CRY1: variants seen among roughly 807,000 people sequenced by gnomAD.
The protein encoded by CRY1 is cryptochrome-1.
A neutral mutation model predicts 76.0 loss-of-function variants in CRY1; 45 were observed. That is an observed-to-expected ratio of 0.59 (90% CI 0.47 to 0.76). The LOEUF (loss-of-function observed/expected upper bound fraction) is 0.76. Among genes scored for constraint, CRY1 ranks in the 30% least tolerant of loss-of-function variants. The pLI is 0.00. For synonymous variants in CRY1, 248 were observed against 244.0 expected, an observed-to-expected ratio of 1.02 and a Z score of -0.15; for missense variants, 587 against 716.4, an observed-to-expected ratio of 0.82 and a Z score of 2.06.
At chr12:107,000,795 A>G (rs1593493916) in intron 5 of CRY1, among the ~76,000 whole-genome samples, 1 of 151,894 alleles carries the variant, frequency 6.6e-6, no homozygotes, top group East Asian at 1.9e-4. Flanking sequence ...AATTAAAGGC[A>G]CACACCACCA....
chr12:107,056,183 A>G (rs2136879777), intron 1 of CRY1, among the ~76,000 whole-genome samples: 1 of 152,348 alleles, frequency 6.6e-6, no homozygotes, highest in South Asian at 2.1e-4. Context: ...AGTCTAAGAT[A>G]CTCCAAAACA....
At chr12:107,022,932 CAT>C (rs1157315311) in intron 1 of CRY1, among the ~76,000 whole-genome samples, 1 of 151,548 alleles carries the variant, frequency 6.6e-6, no homozygotes, top group African/African-American at 2.4e-5. Flanking sequence ...AAGGCTTACA[CAT>C]GACAGATATC....
At chr12:107,021,682 ATG>A (rs928523256) in intron 2 of CRY1, among the ~76,000 whole-genome samples, 16 of 151,846 alleles carry the variant, frequency 1.1e-4, no homozygotes, top group African/African-American at 3.4e-4. Flanking sequence ...AAACACATGG[ATG>A]TGTGTGTGTG....
intron 2 of CRY1, among the ~76,000 whole-genome samples, chr12:107,020,805 G>A (rs1171827959): frequency 6.6e-6 from 1 of 152,130 alleles, no homozygotes; most frequent in East Asian, 1.9e-4. Flanking sequence ...AGGAAGGGAT[G>A]AATACAAAAA....
chr12:107,016,712 C>G, intron 2 of CRY1, among the ~76,000 whole-genome samples: 1 of 152,146 alleles, frequency 6.6e-6, no homozygotes, highest in East Asian at 1.9e-4. Context: ...AATGCCTTCT[C>G]AACATGTACA....
intron 1 of CRY1, among the ~76,000 whole-genome samples, chr12:107,040,851 A>G (rs1489777628): frequency 6.6e-6 from 1 of 152,086 alleles, no homozygotes; most frequent in East Asian, 1.9e-4. Context: ...AATATATTGC[A>G]TATACACTTG....
chr12:107,050,068 C>T (rs1952900985), intron 1 of CRY1: 1 of 151,602 alleles, frequency 6.6e-6, no homozygotes, highest in South Asian at 2.1e-4. Flanking sequence ...GGAGTGGTTA[C>T]AAAAGACAAA....
intron 1 of CRY1, among the ~76,000 whole-genome samples, chr12:107,059,479 A>G (rs1953024244): frequency 6.6e-6 from 1 of 151,956 alleles, no homozygotes; most frequent in South Asian, 2.1e-4. Flanking sequence ...TCTTGAACTC[A>G]TGGCCTCAAG....
At chr12:107,087,305 A>G (rs569739123) in intron 1 of CRY1, among the ~76,000 whole-genome samples, 1 of 152,140 alleles carries the variant, frequency 6.6e-6, no homozygotes, top group Non-Finnish European at 1.5e-5. Context: ...AATCCTTTGG[A>G]TGAAAACAGC....
chr12:107,024,484 C>A (rs1952587097), intron 1 of CRY1, among the ~76,000 whole-genome samples: 1 of 151,566 alleles, frequency 6.6e-6, no homozygotes, highest in Non-Finnish European at 1.5e-5. Context: ...GCCTTGACTT[C>A]TCCCACCTAA....
chr12:106,997,958 C>T lies in CRY1; in HGVS notation c.1246G>A (p.Val416Ile). 1 of 1,614,054 alleles carries T rather than the reference C, an allele frequency of 6.2e-7. No homozygotes were observed. The highest frequency in any genetic ancestry group is 8.5e-7 in the Non-Finnish European group (1 of 1,179,984). Residue 416 changes from valine (V) to isoleucine (I), a missense_variant, in exon 8 of 13, where the codon GTT becomes ATT. By Grantham distance (29) the Val-to-Ile change is conservative. Coordinates refer to ENST00000008527, the MANE Select transcript of CRY1 (RefSeq NM_004075.5). Reference protein sequence around the residue: ...FQQFFHCYCPVGFGRRTDPNG... With the variant: ...FQQFFHCYCPIGFGRRTDPNG... ...GGATCTGTTCTCCTACCAAAACCAA[C>T]AGGGCAATAGCAGTGAAAAAACTGT... is the stretch of plus-strand genomic sequence containing the variant.
intron 1 of CRY1, among the ~76,000 whole-genome samples, chr12:107,036,083 C>T (rs922157833): frequency 3.3e-5 from 5 of 152,186 alleles, no homozygotes; most frequent in African/African-American, 7.2e-5. Context: ...ATAATTTCAA[C>T]ACAAGGCCTC....
At position 107,005,239 on chromosome 12, in the gene CRY1, T is replaced by C; in HGVS notation, c.277A>G (p.Ile93Val). Residue 93 changes from isoleucine (I) to valine (V), a missense_variant, in exon 3 of 13, where the codon ATT becomes GTT. Coordinates refer to ENST00000008527, the MANE Select transcript of CRY1 (RefSeq NM_004075.5). ...VFPRLFKEWN[I>V]TKLSIEYDSE... ...TCATACTCAATTGAAAGTTTAGTAA[T>C]GTTCCATTCCTAAAGTAAGAGAAAG... 3 of 1,611,016 alleles carry C rather than the reference T, an allele frequency of 1.9e-6. No individual in the cohort carries two copies. Among genetic ancestry groups the C allele is most frequent in the Non-Finnish European group, 2.5e-6 (3 of 1,178,744 alleles).
chr12:107,010,812 G>A (rs553071105), intron 2 of CRY1, among the ~76,000 whole-genome samples: 1 of 151,852 alleles, frequency 6.6e-6, no homozygotes, highest in African/African-American at 2.4e-5. Context: ...CCATAAAAGA[G>A]GGTGAACTTA....
At chr12:107,007,504 A>G (rs149906857) in intron 2 of CRY1, among the ~76,000 whole-genome samples, 2 of 152,136 alleles carry the variant, frequency 1.3e-5, no homozygotes, top group African/African-American at 4.8e-5. Context: ...GCAAGCCCTC[A>G]ATGAATGACA....
At chr12:107,037,330 G>A (rs1268604620) in intron 1 of CRY1, among the ~76,000 whole-genome samples, 2 of 152,082 alleles carry the variant, frequency 1.3e-5, no homozygotes, top group African/African-American at 4.8e-5. Flanking sequence ...TCAGGAGTTC[G>A]AGACCAGCCT....
intron 2 of CRY1, among the ~76,000 whole-genome samples, chr12:107,010,008 G>T (rs1228328974): frequency 1.3e-5 from 2 of 151,946 alleles, no homozygotes; most frequent in African/African-American, 4.8e-5. Flanking sequence ...AGCCATCTAA[G>T]GGCTTGAAGT....
At chr12:107,044,653 C>T (rs995788389) in intron 1 of CRY1, among the ~76,000 whole-genome samples, 3 of 152,076 alleles carry the variant, frequency 2.0e-5, no homozygotes, top group Admixed American at 2.0e-4. Flanking sequence ...ACAATATAAA[C>T]AAGAAATTCA....
At chr12:107,055,046 C>A (rs2136878959) in intron 1 of CRY1, among the ~76,000 whole-genome samples, 1 of 151,970 alleles carries the variant, frequency 6.6e-6, no homozygotes, top group African/African-American at 2.4e-5. Context: ...CAACCTTGAC[C>A]TAATGGAAAA....
Sources: gnomAD v4.1 joint callset for allele counts (sites outside exome capture counted in the v4.1 genomes callset) on GRCh38, gnomAD v4.1.1 for gene constraint, MANE v1.5 for transcripts, NCBI Gene and HGNC (gene_info 2026-07-23, HGNC 2026-07-21) for gene names.